The following PCDHGA3 variants were observed in gnomAD, a reference collection of about 807,000 sequenced individuals.
PCDHGA3 encodes the protein protocadherin gamma-A3.
In PCDHGA3, 40 loss-of-function variants were observed where a neutral mutation model predicts 58.5. The observed-to-expected ratio is 0.68, with a 90% confidence interval of 0.53 to 0.89. The LOEUF is 0.89. Among genes scored for constraint, PCDHGA3 ranks in the 40% least tolerant of loss-of-function variants. PCDHGA3 has a pLI of 0.00. For missense variants in PCDHGA3, 1,223 were observed against 1,195.9 expected (o/e 1.02, Z -0.33); for synonymous variants, 530 against 525.7 (o/e 1.01, Z -0.11).
intron 1 of PCDHGA3, chr5:141,393,027 A>C (rs868285753): frequency 1.2e-6 from 2 of 1,613,818 alleles, no homozygotes; most frequent in Non-Finnish European, 1.7e-6. Flanking sequence ...CAGAGGTAGG[A>C]CGCAGCTCTT....
In PCDHGA3 at chr5:141,494,836, C is replaced by G. The variant is rs1016713543; in HGVS notation, c.2454C>G (p.Phe818Leu). ...CCCCGCCCAACACGGACTGGCGTTT[C>G]TCTCAGGCCCAGAGACCCGGCACCA... ...QQAPPNTDWR[F>L]SQAQRPGTSG... The change falls in exon 2 of 4, where the codon TTC (phenylalanine) becomes TTG (leucine). Residue 818 changes from phenylalanine (F) to leucine (L), a missense_variant. Phe to Leu is a conservative substitution (Grantham distance 22, BLOSUM62 0). Coordinates refer to ENST00000253812, the MANE Select transcript of PCDHGA3 (RefSeq NM_018916.4). 1.9e-6 allele frequency: 3 copies of G among 1,614,054 alleles called. No individual in the cohort carries two copies. The highest frequency in any genetic ancestry group is 2.7e-5 in the African/African-American group (2 of 74,932).
At chr5:141,498,220 G>T (rs1562182972) in intron 2 of PCDHGA3, among the ~76,000 whole-genome samples, 1 of 152,222 alleles carries the variant, frequency 6.6e-6, no homozygotes, top group Non-Finnish European at 1.5e-5. Flanking sequence ...GAGCATTCCA[G>T]ATGGTCAGGC....
rs757947581 is a variant in PCDHGA3 at position 141,361,996 on chromosome 5, T to G, written c.2424+15539T>G. 7 of 1,603,066 alleles carry G rather than the reference T, an allele frequency of 4.4e-6. No individual in the cohort carries two copies. The African/African-American group carries it at 8.0e-5, about 18-fold the overall frequency. ...CGAGCCCGGGCTCTTCAGCCTGGGG[T>G]TGCGCACGGGTGAGGTGCGCACAGC... is the stretch of plus-strand genomic sequence containing the variant. On this transcript the variant is annotated intron_variant, in intron 1 of 3. Transcript: ENST00000253812.
At chr5:141,402,796 A>C in intron 1 of PCDHGA3, 1 of 1,040,680 alleles carries the variant, frequency 9.6e-7, no homozygotes, top group South Asian at 2.0e-5. Flanking sequence ...GGCTACACAA[A>C]ACCCGGCAGA....
intron 1 of PCDHGA3, chr5:141,421,801 A>G (rs754191783): frequency 6.2e-7 from 1 of 1,613,858 alleles, no homozygotes; most frequent in Middle Eastern, 1.6e-4. Flanking sequence ...TGGGGCCAAG[A>G]ATCCAGAGCT....
At chr5:141,438,635 T>TAC (rs56854727) in intron 1 of PCDHGA3, among the ~76,000 whole-genome samples, 5 of 33,422 alleles carry the variant, frequency 1.5e-4, no homozygotes, top group Admixed American at 8.3e-4. Flanking sequence ...TATATATATA[T>TAC]ACACACACAC....
chr5:141,362,197 C>T lies in PCDHGA3; in HGVS notation c.2424+15740C>T, dbSNP rs777116647. The T allele has an allele frequency of 8.7e-6, 14 of 1,614,082 alleles. No homozygotes were observed. The South Asian group carries it at 1.4e-4, about 16-fold the overall frequency. ...GGAGCCCTCTGACCCCCAGGCAAAA[C>T]TGCAGTTTTACCTGGTTGTGGCCTT... On this transcript the variant is annotated intron_variant, in intron 1 of 3. Transcript: ENST00000253812.
intron 1 of PCDHGA3, among the ~76,000 whole-genome samples, chr5:141,437,668 G>T (rs72790049): frequency 3.1e-4 from 47 of 151,868 alleles, no homozygotes; most frequent in Non-Finnish European, 6.0e-4. Context: ...TCGAAGAGAT[G>T]TTGATCAAAC....
Position 141,403,721 on chromosome 5 carries a change from C to T in PCDHGA3, c.2424+57264C>T, listed in dbSNP as rs748888364. On this transcript the variant is annotated intron_variant, in intron 1 of 3. Coordinates refer to ENST00000253812, the MANE Select transcript of PCDHGA3 (RefSeq NM_018916.4). ...AGTTAAAGTCCTTGAGAACGTGCCC[C>T]CAGGCACCTGGCTGCTTACTGCAAC... 5 of 1,613,754 alleles carry T rather than the reference C, an allele frequency of 3.1e-6. No individual in the cohort carries two copies. The highest frequency in any genetic ancestry group is 2.2e-5 in the East Asian group (1 of 44,878).
chr5:141,394,622 G>A (rs1472873845), intron 1 of PCDHGA3: 32 of 1,613,496 alleles, frequency 2.0e-5, no homozygotes, highest in Non-Finnish European at 2.6e-5. Flanking sequence ...AGAACGCCTG[G>A]CTGTCCTACC....
intron 1 of PCDHGA3, among the ~76,000 whole-genome samples, chr5:141,474,672 T>C (rs1203448521): frequency 2.0e-5 from 3 of 152,228 alleles, no homozygotes; most frequent in Non-Finnish European, 4.4e-5. Flanking sequence ...ACCTAACCTA[T>C]GTGCCTACCC....
intron 1 of PCDHGA3, chr5:141,421,788 G>T: frequency 6.2e-7 from 1 of 1,613,800 alleles, no homozygotes; most frequent in Non-Finnish European, 8.5e-7. Flanking sequence ...GGGGCAGAAC[G>T]GATGGGGCCA....
rs2099710219 is a variant in PCDHGA3, at chr5:141,491,289, C to A, written c.2425-3518C>A. On this transcript the variant is annotated intron_variant, in intron 1 of 3. Transcript: ENST00000253812. The surrounding 1 kb of genome is among the most constrained non-coding windows in gnomAD (Gnocchi z 6.9). The stretch of plus-strand genomic sequence containing the variant: ...CCAAATCCAGTGACTTCCTCATACA[C>A]CCTCCTGAGCGTTCAGACCTTACCC... 1 of 1,614,112 alleles carries A rather than the reference C, an allele frequency of 6.2e-7. No homozygotes were observed. Among genetic ancestry groups the A allele is most frequent in the Non-Finnish European group, 8.5e-7 (1 of 1,179,942 alleles).
At chr5:141,430,752 A>C (rs772436100) in intron 1 of PCDHGA3, 1 of 1,501,400 alleles carries the variant, frequency 6.7e-7, no homozygotes, top group East Asian at 2.3e-5. Context: ...TTCTGGAGGA[A>C]GATAAGAATG....
intron 1 of PCDHGA3, chr5:141,374,140 C>T: frequency 6.2e-7 from 1 of 1,609,666 alleles, no homozygotes; most frequent in South Asian, 1.1e-5. Flanking sequence ...TCCTCACGCT[C>T]CTGGGGACGC....
At chr5:141,375,536 G>T in intron 1 of PCDHGA3, 1 of 1,613,972 alleles carries the variant, frequency 6.2e-7, no homozygotes, top group Non-Finnish European at 8.5e-7. Flanking sequence ...GGACCAGAAC[G>T]CCCAAGTCTC....
At position 141,467,151 on chromosome 5, in the gene PCDHGA3, C is replaced by T. The variant is rs527879624; in HGVS notation, c.2425-27656C>T. ...CACTGCAACCTCTGCCTCCCAGGTT[C>T]AAGTGATTCTCATCTCTCAGCCTCC... is the stretch of plus-strand genomic sequence containing the variant. On this transcript the variant is annotated intron_variant, in intron 1 of 3. Transcript: ENST00000253812. Among the ~76,000 whole-genome samples the T allele has an allele frequency of 4.0e-5, 6 of 151,660 alleles. No homozygotes were observed. In the East Asian group the frequency reaches 7.8e-4, roughly 20 times the overall value.
chr5:141,421,751 C>T (rs751678934), intron 1 of PCDHGA3: 1 of 1,613,932 alleles, frequency 6.2e-7, no homozygotes, highest in South Asian at 1.1e-5. Context: ...CAGCTCAGCC[C>T]TAATAATTAC....
intron 1 of PCDHGA3, among the ~76,000 whole-genome samples, chr5:141,368,503 C>T (rs1016436156): frequency 3.3e-5 from 5 of 151,860 alleles, no homozygotes; most frequent in African/African-American, 7.3e-5. Flanking sequence ...CAGTAGGTGT[C>T]GACATTATTC....
Sources: gnomAD v4.1 joint callset for allele counts (sites outside exome capture counted in the v4.1 genomes callset) on GRCh38, gnomAD v4.1.1 for gene constraint, Gnocchi (gnomAD v3.1) non-coding constraint, MANE v1.5 for transcripts, NCBI Gene and HGNC (gene_info 2026-07-23, HGNC 2026-07-21) for gene names.